Variants in SEMA6D observed in about 807,000 individuals in gnomAD.
The protein encoded by SEMA6D is semaphorin 6D, also known as semaphorin-6D.
A neutral mutation model predicts 106.6 loss-of-function variants in SEMA6D; 35 were observed. The observed-to-expected ratio is 0.33, with a 90% confidence interval of 0.25 to 0.44. The LOEUF (loss-of-function observed/expected upper bound fraction) is 0.44, where lower values mean the gene tolerates loss of function less well. Among genes scored for constraint, SEMA6D ranks in the 20% least tolerant of loss-of-function variants. The probability of loss-of-function intolerance (pLI) is 1.00; values close to 1 mark genes in which losing one functional copy is unlikely to be tolerated. For synonymous variants in SEMA6D, 499 were observed against 487.7 expected (o/e 1.02, Z -0.31); for missense variants, 1,185 against 1,345.9 (o/e 0.88, Z 1.87).
chr15:47,446,855 T>C (rs972313099), intron 2 of SEMA6D, among the ~76,000 whole-genome samples: 1 of 152,152 alleles, frequency 6.6e-6, no homozygotes, highest in Non-Finnish European at 1.5e-5. Flanking sequence ...AGAACACTTT[T>C]AAAATGGCCA....
chr15:47,652,825 TTAGA>T (rs1049726657), intron 4 of SEMA6D, among the ~76,000 whole-genome samples: 2 of 152,222 alleles, frequency 1.3e-5, no homozygotes, highest in African/African-American at 4.8e-5. Context: ...TGCTTCAGAG[TTAGA>T]TAGACACTCA....
chr15:47,614,545 A>G (rs1222673764), intron 4 of SEMA6D, among the ~76,000 whole-genome samples: 1 of 152,148 alleles, frequency 6.6e-6, no homozygotes, highest in East Asian at 1.9e-4. Flanking sequence ...GAGACATGAG[A>G]CCTTATGCAG....
At position 47,598,605 on chromosome 15, in the gene SEMA6D, G is replaced by T. The variant is rs1414808059; in HGVS notation, c.-86-2260G>T. Reference sequence around the variant, plus strand: ...CATTAGTTCATCTCTCTGCATAAAAGCGTCTTCACCTGAAAAAATTAAAAA... The same window carrying T: ...CATTAGTTCATCTCTCTGCATAAAATCGTCTTCACCTGAAAAAATTAAAAA... On this transcript the variant is annotated intron_variant, in intron 3 of 19. Transcript: ENST00000558014. Among the ~76,000 whole-genome samples, 9 of 152,156 alleles carry T rather than the reference G, an allele frequency of 5.9e-5. No homozygotes were observed. In the South Asian group the frequency reaches 1.7e-3, roughly 28 times the overall value.
intron 1 of SEMA6D, among the ~76,000 whole-genome samples, chr15:47,298,795 T>A (rs2035905674): frequency 6.6e-6 from 1 of 152,176 alleles, no homozygotes; most frequent in Non-Finnish European, 1.5e-5. Context: ...TTCTCCAGCA[T>A]GTTGCTACTA....
chr15:47,258,456 A>G (rs1333004041), intron 1 of SEMA6D, among the ~76,000 whole-genome samples: 3 of 152,202 alleles, frequency 2.0e-5, no homozygotes, highest in Non-Finnish European at 4.4e-5. Context: ...GTGTACAGGC[A>G]TCATCCAATC....
intron 1 of SEMA6D, among the ~76,000 whole-genome samples, chr15:47,745,194 T>C (rs1161392417): frequency 6.6e-6 from 1 of 152,242 alleles, no homozygotes; most frequent in African/African-American, 2.4e-5. Context: ...CCTTTAGCCT[T>C]GAACAGGCTT....
intron 1 of SEMA6D, among the ~76,000 whole-genome samples, chr15:47,751,382 C>G (rs1345729202): frequency 1.3e-5 from 2 of 152,182 alleles, no homozygotes; most frequent in Non-Finnish European, 2.9e-5. Context: ...CCTAAACCCA[C>G]TGCTCCTTTT....
chr15:47,561,512 C>T (rs2046079739), intron 3 of SEMA6D, among the ~76,000 whole-genome samples: 1 of 151,558 alleles, frequency 6.6e-6, no homozygotes, highest in South Asian at 2.1e-4. Context: ...AAGGAAATGA[C>T]ACCAAAGAGT....
chr15:47,709,852 AT>A (rs969220767), intron 4 of SEMA6D, among the ~76,000 whole-genome samples: 2 of 150,278 alleles, frequency 1.3e-5, no homozygotes, highest in African/African-American at 4.9e-5. Flanking sequence ...GTTTATTCAT[AT>A]TTTTTCTTCT....
At chr15:47,209,077 C>T (rs1895308570) in intron 1 of SEMA6D, among the ~76,000 whole-genome samples, 1 of 152,100 alleles carries the variant, frequency 6.6e-6, no homozygotes, top group Admixed American at 6.5e-5. Flanking sequence ...AAGGCCATTC[C>T]ATTATTTCTA....
chr15:47,288,400 C>T (rs1236460429), intron 1 of SEMA6D, among the ~76,000 whole-genome samples: 1 of 152,188 alleles, frequency 6.6e-6, no homozygotes, highest in Non-Finnish European at 1.5e-5. Context: ...GTTTTGCTTG[C>T]TCCGTTTTAC....
chr15:47,674,172 TAGGG>T (rs1411468811), intron 4 of SEMA6D, among the ~76,000 whole-genome samples: 7 of 152,080 alleles, frequency 4.6e-5, no homozygotes, highest in Admixed American at 3.9e-4. Context: ...TAAAATGAAA[TAGGG>T]AGAATATGCT....
chr15:47,730,758 A>T (rs562887474), intron 1 of SEMA6D: 1 of 1,599,434 alleles, frequency 6.3e-7, no homozygotes, highest in Admixed American at 1.7e-5. Context: ...GCAACCTGAT[A>T]TAGTGGGGCC....
intron 1 of SEMA6D, among the ~76,000 whole-genome samples, chr15:47,336,267 C>T (rs2144300116): frequency 6.6e-6 from 1 of 152,280 alleles, no homozygotes; most frequent in South Asian, 2.1e-4. Context: ...GATGTTTCCC[C>T]TACCTAACAC....
At chr15:47,610,375 G>T (rs1228750289) in intron 4 of SEMA6D, among the ~76,000 whole-genome samples, 2 of 152,164 alleles carry the variant, frequency 1.3e-5, no homozygotes, top group Non-Finnish European at 2.9e-5. Flanking sequence ...CGACACACAT[G>T]CCCAGCTTTA....
chr15:47,561,041 G>A (rs1200954507), intron 3 of SEMA6D, among the ~76,000 whole-genome samples: 8 of 146,264 alleles, frequency 5.5e-5, no homozygotes, highest in African/African-American at 2.0e-4. Flanking sequence ...GGGTGCTCAG[G>A]AAACTAATAC....
At position 47,675,093 on chromosome 15, in the gene SEMA6D, C is replaced by A. The variant is rs150528600; in HGVS notation, c.-55+74197C>A. 8.7e-3 allele frequency among the ~76,000 whole-genome samples: 1,324 copies of A among 152,300 alleles called. 17 individuals carry two copies. The highest frequency in any genetic ancestry group is 0.031 in the African/African-American group (1,272 of 41,552). ...GAGTGACCTTGGTGTCATAAAGCCA[C>A]ACAAAAATGTTTCTGAGGTTATTGG... On this transcript the variant is annotated intron_variant, in intron 4 of 19. Coordinates refer to the SEMA6D transcript ENST00000558014.
At chr15:47,192,578 C>CTT (rs1894039068) in intron 1 of SEMA6D, among the ~76,000 whole-genome samples, 2 of 151,924 alleles carry the variant, frequency 1.3e-5, no homozygotes, top group Non-Finnish European at 2.9e-5. Context: ...CATTAAAAAG[C>CTT]ATTTTTTTCA....
intron 1 of SEMA6D, among the ~76,000 whole-genome samples, chr15:47,302,422 TACTA>T (rs1162943683): frequency 2.6e-5 from 4 of 152,212 alleles, no homozygotes; most frequent in Non-Finnish European, 5.9e-5. Context: ...GAGAAAAGCA[TACTA>T]ACTGTGGGAA....
Sources: allele counts gnomAD v4.1 joint callset (sites outside exome capture counted in the v4.1 genomes callset), GRCh38; gene constraint gnomAD v4.1.1; transcripts MANE v1.5; gene names NCBI Gene and HGNC (gene_info 2026-07-23, HGNC 2026-07-21).